The following DCHS2 variants were observed in gnomAD, a reference collection of about 807,000 sequenced individuals.
The protein encoded by DCHS2 is dachsous cadherin-related 2.
A neutral mutation model predicts 182.4 loss-of-function variants in DCHS2; 142 were observed. That is an observed-to-expected ratio of 0.78 (90% confidence interval 0.68 to 0.89). The LOEUF (loss-of-function observed/expected upper bound fraction) is 0.89. Ranked by LOEUF, DCHS2 falls within the 40% of genes least tolerant of loss-of-function variation. DCHS2 has a pLI of 0.00. For synonymous variants in DCHS2, 1,740 were observed against 1,663.3 expected, an observed-to-expected ratio of 1.05 and a Z score of -1.12; for missense variants, 4,319 against 4,198.6, an observed-to-expected ratio of 1.03 and a Z score of -0.79.
At chr4:154,237,941 A>T (rs531007066) in intron 19 of DCHS2, among the ~76,000 whole-genome samples, 14 of 152,314 alleles carry the variant, frequency 9.2e-5, no homozygotes, top group African/African-American at 3.4e-4. Flanking sequence ...TAATGTTTTT[A>T]ACATTGCCTT....
chr4:154,329,859 C>T, intron 5 of DCHS2, 149 bp from the exon 6 acceptor site: 1 of 549,816 alleles, frequency 1.8e-6, no homozygotes, highest in Non-Finnish European at 2.9e-6. Flanking sequence ...CTCTATGGTA[C>T]TGTTGAAAAA....
chr4:154,329,298 T>A (rs917013058), intron 6 of DCHS2, among the ~76,000 whole-genome samples: 1 of 152,208 alleles, frequency 6.6e-6, no homozygotes. Context: ...CTAAACTTAT[T>A]GTTATAAAGC....
chr4:154,432,109 T>A (rs1460918708), intron 1 of DCHS2, among the ~76,000 whole-genome samples: 1 of 152,246 alleles, frequency 6.6e-6, no homozygotes, highest in Non-Finnish European at 1.5e-5. Flanking sequence ...GAACAAATAC[T>A]GTGTGCAAAA....
At chr4:154,446,636 C>T (rs943928028) in intron 1 of DCHS2, among the ~76,000 whole-genome samples, 1 of 152,198 alleles carries the variant, frequency 6.6e-6, no homozygotes, top group Non-Finnish European at 1.5e-5. Flanking sequence ...TGAGCTGGAA[C>T]CTGAGTGCAG....
chr4:154,310,792 A>G (rs1270239990), intron 10 of DCHS2, among the ~76,000 whole-genome samples: 1 of 152,234 alleles, frequency 6.6e-6, no homozygotes, highest in Non-Finnish European at 1.5e-5. Flanking sequence ...AGATATTATG[A>G]TGACATCATG....
At chr4:154,273,784 A>G (rs1252790834) in intron 13 of DCHS2, among the ~76,000 whole-genome samples, 3 of 54,432 alleles carry the variant, frequency 5.5e-5, no homozygotes, top group Admixed American at 4.2e-4. Flanking sequence ...CAATCTTGCA[A>G]TGCCTGTGCT....
intron 1 of DCHS2, among the ~76,000 whole-genome samples, chr4:154,461,577 T>C (rs1475945311): frequency 3.3e-5 from 5 of 152,164 alleles, no homozygotes; most frequent in African/African-American, 1.2e-4. Flanking sequence ...CATAGTATAA[T>C]GACAGATCAT....
At chr4:154,353,690 T>G (rs1175869488) in intron 3 of DCHS2, among the ~76,000 whole-genome samples, 4 of 152,202 alleles carry the variant, frequency 2.6e-5, no homozygotes, top group Non-Finnish European at 5.9e-5. Flanking sequence ...CTCCTCAGAC[T>G]TCTAAGCATT....
intron 2 of DCHS2, among the ~76,000 whole-genome samples, chr4:154,372,973 C>A (rs1355240031): frequency 6.6e-6 from 1 of 152,102 alleles, no homozygotes; most frequent in Non-Finnish European, 1.5e-5. Context: ...CAAATGGGTT[C>A]TCAGCAATTT....
intron 9 of DCHS2, among the ~76,000 whole-genome samples, chr4:154,316,477 G>A (rs956044850): frequency 3.3e-5 from 5 of 152,074 alleles, no homozygotes; most frequent in African/African-American, 1.2e-4. Context: ...TAACAATAAA[G>A]AGCAGGCCAG....
chr4:154,409,504 C>T (rs1398941512), intron 1 of DCHS2, among the ~76,000 whole-genome samples: 1 of 152,154 alleles, frequency 6.6e-6, no homozygotes, highest in Non-Finnish European at 1.5e-5. Context: ...CCCCAAGGGT[C>T]AGCTACAACC....
rs1389726042 is a variant in DCHS2, at chr4:154,242,670, G to A, written c.7044C>T (p.Leu2348=). 1.2e-6 allele frequency: 2 copies of A among 1,612,752 alleles called. No individual in the cohort carries two copies. ...TDINDNAPAF[L]PSEAVEITED... The stretch of plus-strand genomic sequence containing the variant: ...CTGTAATTTCCACTGCTTCAGAGGG[G>A]AGAAAAGCTGGGGCATTGTCATTTA... The change falls in exon 17 of 20, where the codon CTC becomes CTT. Residue 2348 remains leucine (L), a synonymous_variant. Transcript: ENST00000357232.
At chr4:154,433,074 G>C (rs1022843017) in intron 1 of DCHS2, among the ~76,000 whole-genome samples, 1 of 152,146 alleles carries the variant, frequency 6.6e-6, no homozygotes, top group African/African-American at 2.4e-5. Context: ...AGATATAATA[G>C]GGTTAAGAAG....
In DCHS2 at chr4:154,400,062, G is replaced by A. The variant is rs574788865; in HGVS notation, c.2053-22618C>T. Reference sequence around the variant, plus strand: ...CTCATGCCTGTAATCCCAGCACTTTGGGAGGCCGAGGCGGGCGGATCACGA... The same window carrying A: ...CTCATGCCTGTAATCCCAGCACTTTAGGAGGCCGAGGCGGGCGGATCACGA... On this transcript the variant is annotated intron_variant, in intron 1 of 19. Transcript: ENST00000357232. 1.6e-3 allele frequency among the ~76,000 whole-genome samples: 240 copies of A among 152,238 alleles called. 1 individual carries two copies. The highest frequency in any genetic ancestry group is 5.5e-3 in the African/African-American group (228 of 41,558).
chr4:154,301,079 C>A (rs1056083278), intron 12 of DCHS2, among the ~76,000 whole-genome samples: 1 of 152,168 alleles, frequency 6.6e-6, no homozygotes, highest in African/African-American at 2.4e-5. Flanking sequence ...TTATCTTTCC[C>A]ACATTCACCT....
chr4:154,238,160 G>GC (rs755539848), intron 19 of DCHS2, among the ~76,000 whole-genome samples: 1 of 11,066 alleles, frequency 9.0e-5, no homozygotes, highest in African/African-American at 1.1e-4. Context: ...AAAAGACGGT[G>GC]GGGGGGTGGG....
At chr4:154,295,721 A>C (rs1228461095) in intron 13 of DCHS2, among the ~76,000 whole-genome samples, 1 of 152,198 alleles carries the variant, frequency 6.6e-6, no homozygotes, top group African/African-American at 2.4e-5. Flanking sequence ...CTTAAAACTT[A>C]ATCTTTACAG....
intron 1 of DCHS2, among the ~76,000 whole-genome samples, chr4:154,406,201 A>G (rs1732392266): frequency 6.6e-6 from 1 of 152,226 alleles, no homozygotes; most frequent in Non-Finnish European, 1.5e-5. Context: ...CCTATGGTAA[A>G]CACCCACGCA....
At chr4:154,324,892 C>A (rs1258964176) in intron 7 of DCHS2, among the ~76,000 whole-genome samples, 1 of 152,018 alleles carries the variant, frequency 6.6e-6, no homozygotes, top group Non-Finnish European at 1.5e-5. Flanking sequence ...ACCTTTATTC[C>A]CCTTATACCA....
Sources: allele counts gnomAD v4.1 joint callset (sites outside exome capture counted in the v4.1 genomes callset), GRCh38; gene constraint gnomAD v4.1.1; transcripts MANE v1.5; gene names NCBI Gene and HGNC (gene_info 2026-07-23, HGNC 2026-07-21).